SRPK2: variants seen among roughly 807,000 people sequenced by gnomAD.
SRPK2 encodes the protein SRSF protein kinase 2, also known as SFRS protein kinase 2.
In SRPK2, 21 loss-of-function variants were observed where a neutral mutation model predicts 90.8. The ratio of observed to expected loss-of-function variants is 0.23; its 90% CI spans 0.16 to 0.33. The LOEUF is 0.33. Ranked by LOEUF, SRPK2 falls within the 10% of genes least tolerant of loss-of-function variation. The probability of loss-of-function intolerance (pLI) is 1.00; values close to 1 mark genes in which losing one functional copy is unlikely to be tolerated. For synonymous variants in SRPK2, 288 were observed against 311.1 expected (o/e 0.93, Z 0.78); for missense variants, 620 against 869.0 (o/e 0.71, Z 3.60).
At position 105,125,908 on chromosome 7, in the gene SRPK2, C is replaced by G. The variant is rs754836387; in HGVS notation, c.1915+340G>C. ...GGAAACATTGCCAGCAAAACAGAAA[C>G]ACACGACAGTTTAATCAGTACACTG... On this transcript the variant is annotated intron_variant, in intron 15 of 15. Coordinates refer to ENST00000393651, the MANE Select transcript of SRPK2 (RefSeq NM_182692.3). The G allele has an allele frequency of 7.1e-6, 8 of 1,130,918 alleles. No homozygotes were observed. In the South Asian group the frequency reaches 8.1e-5, roughly 11 times the overall value. 70.1% of individuals were successfully genotyped at this position (1,130,918 alleles called of 1,614,324 possible).
intron 7 of SRPK2, among the ~76,000 whole-genome samples, chr7:105,159,504 A>AGGCAG (rs887124735): frequency 2.0e-5 from 3 of 150,860 alleles, no homozygotes; most frequent in African/African-American, 7.3e-5. Flanking sequence ...ATGAACACAC[A>AGGCAG]GGCAGGCTAA....
rs776028998 is a variant in SRPK2, at chr7:105,142,377, G to T, written c.1174C>A (p.Pro392Thr). The change falls in exon 11 of 16, where the codon CCT (proline) becomes ACT (threonine). Residue 392 changes from proline (P) to threonine (T), a missense_variant. Physicochemically the swap from Pro to Thr is conservative, Grantham distance 38 (BLOSUM62 -1). Coordinates refer to ENST00000393651, the MANE Select transcript of SRPK2 (RefSeq NM_182692.3). ...ANIDPTWIES[P>T]KTNGHIENGP... The stretch of plus-strand genomic sequence containing the variant: ...TTCTCAATATGGCCATTGGTTTTAG[G>T]TGATTCTATCCACGTAGGGTCTATG... The T allele has an allele frequency of 1.9e-6, 3 of 1,613,944 alleles. No homozygotes were observed. In the African/African-American group the frequency reaches 4.0e-5, roughly 22 times the overall value.
chr7:105,358,253 C>A (rs1161374437), intron 2 of SRPK2, among the ~76,000 whole-genome samples: 1 of 146,004 alleles, frequency 6.8e-6, no homozygotes. Context: ...AAACACCCCA[C>A]GTACAACTTC....
At chr7:105,160,287 G>A (rs984331691) in intron 7 of SRPK2, 2 of 336,534 alleles carry the variant, frequency 5.9e-6, no homozygotes, top group Non-Finnish European at 1.1e-5. Flanking sequence ...ACGTATGCCT[G>A]ACAATTACAT....
rs553160555 is a variant in SRPK2, at chr7:105,160,213, CT to C, written c.621+293del. On this transcript the variant is annotated intron_variant, in intron 7 of 15. Coordinates refer to ENST00000393651, the MANE Select transcript of SRPK2 (RefSeq NM_182692.3). ...CTAAGTGGATGTTTTATAGTAGATA[CT>C]GAACAAAAACAATGTAATTGTACCA... 6.9e-4 allele frequency: 139 copies of C among 200,966 alleles called. No individual in the cohort carries two copies. In the Middle Eastern group the frequency reaches 0.018, roughly 26 times the overall value. 12.4% of individuals were successfully genotyped at this position (200,966 alleles called of 1,614,324 possible).
At chr7:105,177,613 G>T (rs972831275) in intron 3 of SRPK2, among the ~76,000 whole-genome samples, 1 of 152,130 alleles carries the variant, frequency 6.6e-6, no homozygotes, top group Non-Finnish European at 1.5e-5. Context: ...CTCTGAAGGA[G>T]GATGCTCATC....
intron 9 of SRPK2, 22 bp from the exon 10 acceptor site, chr7:105,143,352 G>A (rs753481606): frequency 3.8e-6 from 6 of 1,599,942 alleles, no homozygotes; most frequent in Non-Finnish European, 4.2e-6. Flanking sequence ...AAAGACCACA[G>A]GTCAGTATTC....
intron 2 of SRPK2, among the ~76,000 whole-genome samples, chr7:105,314,824 G>T (rs1667743708): frequency 6.6e-6 from 1 of 152,214 alleles, no homozygotes; most frequent in Admixed American, 6.5e-5. Flanking sequence ...CGAATAATGA[G>T]AAATTCATTA....
intron 2 of SRPK2, among the ~76,000 whole-genome samples, chr7:105,384,545 A>G (rs911284651): frequency 5.3e-5 from 8 of 152,238 alleles, no homozygotes; most frequent in Non-Finnish European, 1.0e-4. Context: ...CCAGACCCAC[A>G]GTCACATAAT....
intron 2 of SRPK2, among the ~76,000 whole-genome samples, chr7:105,273,582 C>T (rs1455430193): frequency 1.3e-5 from 2 of 152,084 alleles, no homozygotes; most frequent in Non-Finnish European, 2.9e-5. Context: ...GGCACCACCA[C>T]GCCTAGCTAC....
intron 2 of SRPK2, among the ~76,000 whole-genome samples, chr7:105,240,215 G>A (rs1010191721): frequency 1.3e-5 from 2 of 152,050 alleles, no homozygotes; most frequent in African/African-American, 4.8e-5. Flanking sequence ...AGATGCAAGG[G>A]GCCTTTCTCA....
chr7:105,182,991 A>C (rs1343341630), intron 3 of SRPK2, among the ~76,000 whole-genome samples: 1 of 152,242 alleles, frequency 6.6e-6, no homozygotes, highest in East Asian at 1.9e-4. Context: ...CAAACTAGTA[A>C]GAAAGACTGA....
chr7:105,168,648 TCA>T (rs1563020458), intron 4 of SRPK2, among the ~76,000 whole-genome samples: 2 of 151,540 alleles, frequency 1.3e-5, no homozygotes, highest in Non-Finnish European at 2.9e-5. Context: ...TAGATAAACA[TCA>T]GAGTTATCAC....
chr7:105,188,575 A>G (rs1342851864), intron 3 of SRPK2, among the ~76,000 whole-genome samples: 1 of 152,240 alleles, frequency 6.6e-6, no homozygotes, highest in Non-Finnish European at 1.5e-5. Context: ...CAGACAAAAA[A>G]TCCCCAACAA....
At chr7:105,394,047 C>T (rs541004505), upstream of SRPK2, among the ~76,000 whole-genome samples, 88 of 152,278 alleles carry the variant, frequency 5.8e-4, no homozygotes, top group African/African-American at 2.1e-3. Flanking sequence ...AATGTACTTC[C>T]TGTCTCTATA....
chr7:105,179,094 G>A (rs1025933820), intron 3 of SRPK2, among the ~76,000 whole-genome samples: 5 of 152,162 alleles, frequency 3.3e-5, no homozygotes, highest in Non-Finnish European at 5.9e-5. Context: ...TTAAAGGTCA[G>A]TCCGTTGATT....
At chr7:105,317,455 T>G (rs988049329) in intron 2 of SRPK2, among the ~76,000 whole-genome samples, 2 of 152,238 alleles carry the variant, frequency 1.3e-5, no homozygotes, top group Non-Finnish European at 2.9e-5. Context: ...AAAACACCTG[T>G]GCAATCATTT....
intron 11 of SRPK2, among the ~76,000 whole-genome samples, chr7:105,137,960 C>T (rs1401552062): frequency 1.3e-5 from 2 of 152,146 alleles, no homozygotes; most frequent in Admixed American, 1.3e-4. Flanking sequence ...TCTTGCTTAT[C>T]AAATGGCCAA....
chr7:105,381,413 A>G (rs1210668266), intron 2 of SRPK2, among the ~76,000 whole-genome samples: 1 of 152,134 alleles, frequency 6.6e-6, no homozygotes, highest in East Asian at 1.9e-4. Flanking sequence ...TGTCTCAGTG[A>G]GCCAAGACCA....
Sources: gnomAD v4.1 joint callset for allele counts (sites outside exome capture counted in the v4.1 genomes callset) on GRCh38, gnomAD v4.1.1 for gene constraint, MANE v1.5 for transcripts, NCBI Gene and HGNC (gene_info 2026-07-23, HGNC 2026-07-21) for gene names.